Variants in OXNAD1 observed in about 807,000 individuals in gnomAD.
The protein encoded by OXNAD1 is oxidoreductase NAD binding domain containing 1, also known as oxidoreductase NAD-binding domain-containing protein 1.
In OXNAD1, 34 loss-of-function variants were observed where a neutral mutation model predicts 32.9. The observed-to-expected ratio is 1.03, with a 90% CI of 0.79 to 1.38. The LOEUF is 1.38. Among genes scored for constraint, OXNAD1 ranks in the 40% most tolerant of loss-of-function variants. The pLI, the probability that OXNAD1 is intolerant of heterozygous loss-of-function variation, is 0.00. For missense variants in OXNAD1, 407 were observed against 379.4 expected (o/e 1.07, Z -0.60); for synonymous variants, 134 against 135.2 (o/e 0.99, Z 0.06).
chr3:16,347,544 TC>T (rs986080150), intron 9 of OXNAD1: 1 of 152,246 alleles, frequency 6.6e-6, no homozygotes, highest in Non-Finnish European at 1.5e-5. Context: ...TTTTCAACTC[TC>T]TACTCTGCCT....
chr3:16,281,432 A>G (rs1446946324), intron 4 of OXNAD1, among the ~76,000 whole-genome samples: 1 of 152,210 alleles, frequency 6.6e-6, no homozygotes, highest in Non-Finnish European at 1.5e-5. Flanking sequence ...CACTCAAAGG[A>G]AATGCTCATT....
At chr3:16,309,981 T>A (rs1490377623), downstream of OXNAD1, among the ~76,000 whole-genome samples, 1 of 152,228 alleles carries the variant, frequency 6.6e-6, no homozygotes, top group African/African-American at 2.4e-5. Context: ...ATCTCTGGGG[T>A]TGACAGAATA....
At position 16,336,402 on chromosome 3, in the gene OXNAD1, C is replaced by T. The variant is rs113995065; in HGVS notation, c.*31-710C>T. On this transcript the variant is annotated intron_variant, in intron 9 of 9. Coordinates refer to the OXNAD1 transcript ENST00000435829. This position sits in a 1 kb window ranked among gnomAD's most constrained non-coding sequence, Gnocchi z 6.0. ...GTGGAGGGAGGGAGAAGGGAAGGGGCGACCTGCTGCTCTGTGGAGAAACAG... is the reference window on the plus strand; with the variant it reads ...GTGGAGGGAGGGAGAAGGGAAGGGGTGACCTGCTGCTCTGTGGAGAAACAG... Among the ~76,000 whole-genome samples, 1,708 of 152,250 alleles carry T rather than the reference C, an allele frequency of 0.011. 27 individuals carry two copies. The highest frequency in any genetic ancestry group is 0.039 in the African/African-American group (1,630 of 41,542).
chr3:16,303,581 AAAAAT>A lies in OXNAD1; in HGVS notation c.*23_*27del. The A allele has an allele frequency of 1.2e-6, 2 of 1,612,324 alleles. No individual in the cohort carries two copies. The highest frequency in any genetic ancestry group is 2.2e-5 in the South Asian group (2 of 90,900). ...GTGGTAGGAGGCAGACAAAGGCAGA[AAAAAT>A]AAAGAGGTGAGATCTACTCAGGAGA... On this transcript the variant is annotated 3_prime_UTR_variant, in exon 9 of 9. Transcript: ENST00000285083. This position sits in a 1 kb window ranked among gnomAD's most constrained non-coding sequence, Gnocchi z 4.8.
rs975133639 is a variant in OXNAD1 at position 16,327,609 on chromosome 3, A to T, written c.*31-9503A>T. 1.3e-5 allele frequency among the ~76,000 whole-genome samples: 2 copies of T among 151,956 alleles called. No individual in the cohort carries two copies. Among genetic ancestry groups the T allele is most frequent in the African/African-American group, 4.8e-5 (2 of 41,348 alleles). On this transcript the variant is annotated intron_variant, in intron 9 of 9. Coordinates refer to the OXNAD1 transcript ENST00000435829. The surrounding 1 kb of genome is among the most constrained non-coding windows in gnomAD (Gnocchi z 4.2). The stretch of plus-strand genomic sequence containing the variant: ...CCCGTCTCTACTAAAAATACAAAAA[A>T]AATTAGCCAGGCCTGGTGGCGGGCG...
rs1030494003 is a variant in OXNAD1, at chr3:16,298,357, C to G, written c.433-3269C>G. ...CCATCCTCCCTGTTATCCTTAGCTT[C>G]TCACGCGACCTGGCCTGGTCCTGGT... On this transcript the variant is annotated intron_variant, in intron 6 of 8. Transcript: ENST00000285083. The surrounding 1 kb of genome is among the most constrained non-coding windows in gnomAD (Gnocchi z 5.1). 3.3e-5 allele frequency among the ~76,000 whole-genome samples: 5 copies of G among 152,172 alleles called. No homozygotes were observed. The highest frequency in any genetic ancestry group is 1.2e-4 in the African/African-American group (5 of 41,424).
At chr3:16,295,272 G>A (rs2066704654) in intron 6 of OXNAD1, among the ~76,000 whole-genome samples, 1 of 152,156 alleles carries the variant, frequency 6.6e-6, no homozygotes, top group Admixed American at 6.5e-5. Context: ...GTTCTAAAAA[G>A]TTGGCTCTCT....
intron 6 of OXNAD1, 84 bp downstream of exon 6, chr3:16,295,081 A>C (rs777374885): frequency 1.4e-5 from 20 of 1,446,796 alleles, no homozygotes; most frequent in Middle Eastern, 3.7e-4. Flanking sequence ...TGATTCACCT[A>C]AGAAACCTGG....
At chr3:16,331,759 C>T (rs1449551214) in intron 9 of OXNAD1, among the ~76,000 whole-genome samples, 2 of 152,144 alleles carry the variant, frequency 1.3e-5, no homozygotes, top group African/African-American at 4.8e-5. Context: ...CTGGTATGTT[C>T]TCTTTTTTTG....
rs151227088 is a variant in OXNAD1, at chr3:16,272,067, TTCTC to T, written c.183+347_183+350del. On this transcript the variant is annotated intron_variant, in intron 4 of 8. Transcript: ENST00000285083. Reference sequence around the variant, plus strand: ...CCTACATTTTATGAATAGCTTACCTTTCTCTGTTTTTTTGTGTGGGGTCTTTTTT... The same window carrying T: ...CCTACATTTTATGAATAGCTTACCTTTGTTTTTTTGTGTGGGGTCTTTTTT... 694 of 465,890 alleles carry T rather than the reference TTCTC, an allele frequency of 1.5e-3. 6 individuals are homozygous for T. The highest frequency in any genetic ancestry group is 0.013 in the African/African-American group (662 of 49,100). 28.9% of individuals were successfully genotyped at this position (465,890 alleles called of 1,614,324 possible).
At chr3:16,306,233 T>G (rs1307819064), downstream of OXNAD1, 1 of 152,240 alleles carries the variant, frequency 6.6e-6, no homozygotes, top group Non-Finnish European at 1.5e-5. Context: ...AAAGTAGAGA[T>G]AGTAAAATGA....
At position 16,349,161 on chromosome 3, in the gene OXNAD1, T is replaced by C. The variant is rs2071926092; in HGVS notation, c.*31-15T>C. On this transcript the variant is annotated splice_polypyrimidine_tract_variant and intron_variant, in intron 9 of 9. Coordinates refer to the OXNAD1 transcript ENST00000606098. ...ACTGTATAAACTAAGCTTTTCTCTGTGACGTTCCTAACAGCAGAAGAGTAC... is the reference window on the plus strand; with the variant it reads ...ACTGTATAAACTAAGCTTTTCTCTGCGACGTTCCTAACAGCAGAAGAGTAC... 2 of 152,200 alleles carry C rather than the reference T, an allele frequency of 1.3e-5. 1 individual carries two copies. Among genetic ancestry groups the C allele is most frequent in the South Asian group, 4.1e-4 (2 of 4,830 alleles). The allele number at this position is 152,200 out of a possible 1,614,324, so 9.4% of individuals were successfully genotyped here.
In OXNAD1 at chr3:16,332,431, C is replaced by T. The variant is rs75007403; in HGVS notation, c.*31-4681C>T. On this transcript the variant is annotated intron_variant, in intron 9 of 9. Transcript: ENST00000435829. Reference sequence around the variant, plus strand: ...TTTGATTGCTTCTTTTTTTTTTTTACAGCATCTTGTTTTTGCTTCATGGAT... The same window carrying T: ...TTTGATTGCTTCTTTTTTTTTTTTATAGCATCTTGTTTTTGCTTCATGGAT... 3.0e-3 allele frequency among the ~76,000 whole-genome samples: 442 copies of T among 147,426 alleles called. 2 individuals carry two copies. Among genetic ancestry groups the T allele is most frequent in the African/African-American group, 0.011 (427 of 39,956 alleles).
chr3:16,334,299 G>A lies in OXNAD1; in HGVS notation c.*31-2813G>A, dbSNP rs992250455. ...AGGCCGTGGGGAAGCATGCGTTCTTGTACATTGCTAGTGGAAGGGCTCATT... is the reference window on the plus strand; with the variant it reads ...AGGCCGTGGGGAAGCATGCGTTCTTATACATTGCTAGTGGAAGGGCTCATT... On this transcript the variant is annotated intron_variant, in intron 9 of 9. Coordinates refer to the OXNAD1 transcript ENST00000435829. The surrounding 1 kb of genome is among the most constrained non-coding windows in gnomAD (Gnocchi z 4.3). 6.6e-6 allele frequency among the ~76,000 whole-genome samples: 1 copy of A among 152,226 alleles called. No individual in the cohort carries two copies. The highest frequency in any genetic ancestry group is 2.4e-5 in the African/African-American group (1 of 41,456).
rs895120143 is a variant in OXNAD1, at chr3:16,271,335, C to T, written c.119+264C>T. ...TCTCCTGTCTTAGCCTCCCGAGTAG[C>T]TGGGATTACAGGCGTGCACCACCAC... is the stretch of plus-strand genomic sequence containing the variant. On this transcript the variant is annotated intron_variant, in intron 3 of 8. Coordinates refer to ENST00000285083, the MANE Select transcript of OXNAD1 (RefSeq NM_138381.5). This position sits in a 1 kb window ranked among gnomAD's most constrained non-coding sequence, Gnocchi z 4.6. 6 of 536,446 alleles carry T rather than the reference C, an allele frequency of 1.1e-5. No homozygotes were observed. The African/African-American group carries it at 1.2e-4, about 10-fold the overall frequency. 33.2% of individuals were successfully genotyped at this position (536,446 alleles called of 1,614,324 possible).
At chr3:16,274,906 T>A (rs1364277932) in intron 4 of OXNAD1, among the ~76,000 whole-genome samples, 1 of 152,244 alleles carries the variant, frequency 6.6e-6, no homozygotes. Flanking sequence ...AAAATGAGCA[T>A]TTTAAGAACA....
At chr3:16,310,850 C>T (rs148339766), downstream of OXNAD1, among the ~76,000 whole-genome samples, 942 of 151,976 alleles carry the variant, frequency 6.2e-3, 12 homozygotes, top group African/African-American at 0.021. Flanking sequence ...ATTAGCCGGG[C>T]GTGGTGGTGC....
intron 4 of OXNAD1, among the ~76,000 whole-genome samples, chr3:16,283,822 A>G (rs1021260579): frequency 2.6e-5 from 4 of 152,326 alleles, no homozygotes; most frequent in African/African-American, 7.2e-5. Context: ...GAGAAGTTCA[A>G]TATGGCTGTT....
downstream of OXNAD1, chr3:16,337,494 T>G (rs1437948920): frequency 6.6e-6 from 1 of 152,120 alleles, no homozygotes; most frequent in East Asian, 1.9e-4. This position sits in a 1 kb window ranked among gnomAD's most constrained non-coding sequence, Gnocchi z 5.0. Context: ...CTGTAATCTC[T>G]GCACTTTGGG....
Sources: gnomAD v4.1 joint callset for allele counts (sites outside exome capture counted in the v4.1 genomes callset) on GRCh38, gnomAD v4.1.1 for gene constraint, Gnocchi (gnomAD v3.1) non-coding constraint, MANE v1.5 for transcripts, NCBI Gene and HGNC (gene_info 2026-07-23, HGNC 2026-07-21) for gene names.